The following ABHD6 variants were observed in gnomAD, a reference collection of about 807,000 sequenced individuals.
The protein encoded by ABHD6 is abhydrolase domain containing 6, acylglycerol lipase, also known as monoacylglycerol lipase ABHD6.
A neutral mutation model predicts 38.8 loss-of-function variants in ABHD6; 33 were observed. The ratio of observed to expected loss-of-function variants is 0.85; its 90% CI spans 0.64 to 1.14. ABHD6 has a LOEUF of 1.14. Ranked by LOEUF, ABHD6 falls within the 50% of genes most tolerant of loss-of-function variation. ABHD6 has a pLI of 0.00. For synonymous variants in ABHD6, 147 were observed against 161.6 expected, an observed-to-expected ratio of 0.91 and a Z score of 0.69; for missense variants, 380 against 422.6, an observed-to-expected ratio of 0.90 and a Z score of 0.88.
intron 2 of ABHD6, among the ~76,000 whole-genome samples, chr3:58,254,419 A>T (rs1169715964): frequency 6.6e-6 from 1 of 152,220 alleles, no homozygotes; most frequent in Non-Finnish European, 1.5e-5. Flanking sequence ...GAGTAGCTGT[A>T]ATAGAGACTC....
chr3:58,260,157 T>C (rs2097436012), intron 3 of ABHD6, among the ~76,000 whole-genome samples: 1 of 152,242 alleles, frequency 6.6e-6, no homozygotes, highest in South Asian at 2.1e-4. Flanking sequence ...TAATTCACTT[T>C]TATTAACAAA....
rs1291753212 is a variant in ABHD6 at position 58,259,028 on chromosome 3, C to T, written c.119+2323C>T. Among the ~76,000 whole-genome samples the T allele has an allele frequency of 1.3e-5, 2 of 152,198 alleles. No individual in the cohort carries two copies. The highest frequency in any genetic ancestry group is 1.9e-4 in the East Asian group (1 of 5,200). ...ATGGAGAAGGCAGAGTTGCGTGCCC[C>T]TTCTCATGGCCTCGTCAAGGCATCA... On this transcript the variant is annotated intron_variant, in intron 3 of 9. Coordinates refer to ENST00000478253, the MANE Select transcript of ABHD6 (RefSeq NM_001320126.2). The surrounding 1 kb of genome is among the most constrained non-coding windows in gnomAD (Gnocchi z 4.7).
At chr3:58,286,844 G>GCA (rs1424175632) in intron 9 of ABHD6, among the ~76,000 whole-genome samples, 1 of 50,066 alleles carries the variant, frequency 2.0e-5, no homozygotes, top group Non-Finnish European at 3.7e-5. Context: ...GTGTGTGTGT[G>GCA]TGTGTGTGTA....
chr3:58,276,226 C>T (rs2097448613), intron 7 of ABHD6, among the ~76,000 whole-genome samples: 1 of 152,210 alleles, frequency 6.6e-6, no homozygotes, highest in Non-Finnish European at 1.5e-5. Flanking sequence ...CTTTACACTC[C>T]CACCAACAGT....
rs116641405 is a variant in ABHD6 at position 58,267,160 on chromosome 3, G to A, written c.120-29G>A. The A allele has an allele frequency of 2.3e-3, 3,653 of 1,611,282 alleles. 30 individuals carry two copies. In the Middle Eastern group the frequency reaches 0.029, roughly 13 times the overall value. On this transcript the variant is annotated intron_variant, in intron 3 of 9. Coordinates refer to ENST00000478253, the MANE Select transcript of ABHD6 (RefSeq NM_001320126.2). The surrounding 1 kb of genome is among the most constrained non-coding windows in gnomAD (Gnocchi z 4.3). ...CACTCATCTAGAGCTTACTGATTTC[G>A]TTTTGTCTTTATTTCTCACCCCTTC... is the stretch of plus-strand genomic sequence containing the variant.
rs1374992453 is a variant in ABHD6 at position 58,287,129 on chromosome 3, A to T, written c.837+1676A>T. Among the ~76,000 whole-genome samples, 4 of 151,484 alleles carry T rather than the reference A, an allele frequency of 2.6e-5. No homozygotes were observed. Among genetic ancestry groups the T allele is most frequent in the African/African-American group, 7.3e-5 (3 of 41,232 alleles). ...CCATCTCTATAAAAAATAAATTTTT[A>T]AAAAAGTAGCCAAGCATGGTGGTAT... On this transcript the variant is annotated intron_variant, in intron 9 of 9. Transcript: ENST00000478253. The surrounding 1 kb of genome is among the most constrained non-coding windows in gnomAD (Gnocchi z 4.7).
chr3:58,277,653 AGGAGTGGTGAGAGAGG>A (rs2097449729), intron 7 of ABHD6, among the ~76,000 whole-genome samples: 2 of 152,202 alleles, frequency 1.3e-5, no homozygotes, highest in African/African-American at 4.8e-5. Flanking sequence ...TATATTGAAT[AGGAGTGGTGAGAGAGG>A]GCATCCTTGT....
At chr3:58,275,805 C>T (rs374331831) in intron 7 of ABHD6, among the ~76,000 whole-genome samples, 2 of 152,128 alleles carry the variant, frequency 1.3e-5, no homozygotes, top group African/African-American at 4.8e-5. Flanking sequence ...CCCCCTACCC[C>T]CTGCCTGGTG....
intron 6 of ABHD6, among the ~76,000 whole-genome samples, chr3:58,271,743 C>T (rs1246559297): frequency 7.2e-6 from 1 of 139,146 alleles, no homozygotes; most frequent in Non-Finnish European, 1.5e-5. Flanking sequence ...TATTTTTTCT[C>T]TCCTCTATCT....
chr3:58,240,066 T>G (rs1326258536), intron 1 of ABHD6, among the ~76,000 whole-genome samples: 1 of 151,632 alleles, frequency 6.6e-6, no homozygotes, highest in Admixed American at 6.6e-5. Context: ...GTGGGAGGAT[T>G]GCTTGAGCCT....
rs1188678825 is a variant in ABHD6, at chr3:58,265,060, C to T, written c.120-2129C>T. On this transcript the variant is annotated intron_variant, in intron 3 of 9. Transcript: ENST00000478253. This position sits in a 1 kb window ranked among gnomAD's most constrained non-coding sequence, Gnocchi z 4.2. ...CTCCCCTACCCCCAGCTACTCATCTCAGCCTCTGGTAACCATCCTTCTACT... is the reference window on the plus strand; with the variant it reads ...CTCCCCTACCCCCAGCTACTCATCTTAGCCTCTGGTAACCATCCTTCTACT... Among the ~76,000 whole-genome samples the T allele has an allele frequency of 6.6e-6, 1 of 152,170 alleles. No homozygotes were observed. Among genetic ancestry groups the T allele is most frequent in the African/African-American group, 2.4e-5 (1 of 41,434 alleles).
At chr3:58,261,406 G>A (rs866371215) in intron 3 of ABHD6, among the ~76,000 whole-genome samples, 7 of 152,122 alleles carry the variant, frequency 4.6e-5, no homozygotes, top group East Asian at 1.9e-4. Context: ...AGAGGTGGGC[G>A]ATTGCTTGAG....
At position 58,266,465 on chromosome 3, in the gene ABHD6, A is replaced by C. The variant is rs1483355324; in HGVS notation, c.120-724A>C. Among the ~76,000 whole-genome samples the C allele has an allele frequency of 9.1e-5, 13 of 143,626 alleles. No individual in the cohort carries two copies. Among genetic ancestry groups the C allele is most frequent in the Non-Finnish European group, 1.5e-4 (10 of 65,560 alleles). 94.2% of individuals were successfully genotyped at this position (143,626 alleles called of 152,430 possible). A position where few individuals can be genotyped will look rare whatever the true frequency, so the allele number is the denominator to read the frequency against. On this transcript the variant is annotated intron_variant, in intron 3 of 9. Coordinates refer to ENST00000478253, the MANE Select transcript of ABHD6 (RefSeq NM_001320126.2). This position sits in a 1 kb window ranked among gnomAD's most constrained non-coding sequence, Gnocchi z 4.0. ...AAAAAAACCTGACCAAACAAACAAC[A>C]AAAAAAAAAACCTTATGTATGCTCT...
intron 7 of ABHD6, among the ~76,000 whole-genome samples, chr3:58,278,923 C>T (rs1019504040): frequency 3.9e-5 from 6 of 152,216 alleles, no homozygotes; most frequent in African/African-American, 1.4e-4. Context: ...GAGTGAGTTT[C>T]TTAATCCTGA....
chr3:58,241,749 G>C (rs1232628440), intron 1 of ABHD6, among the ~76,000 whole-genome samples: 3 of 152,248 alleles, frequency 2.0e-5, no homozygotes, highest in Non-Finnish European at 2.9e-5. Context: ...ATGCAGGGTG[G>C]TGGAGGTATG....
At chr3:58,245,833 A>AAGAG (rs1044228916) in intron 1 of ABHD6, among the ~76,000 whole-genome samples, 1 of 151,474 alleles carries the variant, frequency 6.6e-6, no homozygotes, top group Admixed American at 6.6e-5. Flanking sequence ...AAGAAAAAGA[A>AAGAG]AGAAAGAACA....
Position 58,291,205 on chromosome 3 carries a change from G to A in ABHD6, c.838-2384G>A, listed in dbSNP as rs1226251799. 4.2e-4 allele frequency among the ~76,000 whole-genome samples: 53 copies of A among 124,768 alleles called. No individual in the cohort carries two copies. The South Asian group carries it at 0.014, about 32-fold the overall frequency. The allele number at this position is 124,768 out of a possible 152,430, so 81.9% of individuals were successfully genotyped here. On this transcript the variant is annotated intron_variant, in intron 9 of 9. Transcript: ENST00000478253. ...CAGCCTGGCCAACACAGTGAAACCC[G>A]TCTCCACCAAAAAAATACGAAAACC...
chr3:58,239,032 C>T (rs1372202000), intron 1 of ABHD6, among the ~76,000 whole-genome samples: 2 of 152,076 alleles, frequency 1.3e-5, no homozygotes, highest in Admixed American at 6.5e-5. Context: ...GTGCCCATTC[C>T]TGAGAGCAGG....
At chr3:58,243,464 G>T (rs1370322053) in intron 1 of ABHD6, among the ~76,000 whole-genome samples, 1 of 152,080 alleles carries the variant, frequency 6.6e-6, no homozygotes, top group Non-Finnish European at 1.5e-5. Flanking sequence ...CTAAGTGAAG[G>T]AGATAACTTC....
Sources: gnomAD v4.1 joint callset for allele counts (sites outside exome capture counted in the v4.1 genomes callset) on GRCh38, gnomAD v4.1.1 for gene constraint, Gnocchi (gnomAD v3.1) non-coding constraint, MANE v1.5 for transcripts, NCBI Gene and HGNC (gene_info 2026-07-23, HGNC 2026-07-21) for gene names.